The following CEP112 variants were observed in gnomAD, a reference collection of about 807,000 sequenced individuals.
CEP112 encodes centrosomal protein 112, also known as centrosomal protein of 112 kDa.
In CEP112, 127 loss-of-function variants were observed where a neutral mutation model predicts 153.0. The observed-to-expected ratio is 0.83, with a 90% CI of 0.72 to 0.96. The LOEUF (loss-of-function observed/expected upper bound fraction) is 0.96. Among genes scored for constraint, CEP112 ranks in the 40% least tolerant of loss-of-function variants. The pLI, the probability that CEP112 is intolerant of heterozygous loss-of-function variation, is 0.00. For synonymous variants in CEP112, 358 were observed against 374.4 expected, an observed-to-expected ratio of 0.96 and a Z score of 0.51; for missense variants, 1,089 against 1,101.2, an observed-to-expected ratio of 0.99 and a Z score of 0.16.
chr17:65,697,941 C>A (rs1269250013), intron 23 of CEP112, among the ~76,000 whole-genome samples: 1 of 152,168 alleles, frequency 6.6e-6, no homozygotes, highest in African/African-American at 2.4e-5. Flanking sequence ...AATGCATTCA[C>A]AACGCAACTG....
At chr17:65,846,481 G>A (rs1356031260) in intron 21 of CEP112, among the ~76,000 whole-genome samples, 3 of 152,240 alleles carry the variant, frequency 2.0e-5, no homozygotes, top group East Asian at 1.9e-4. Flanking sequence ...GAGATCAAAT[G>A]TGGATAAATC....
intron 20 of CEP112, among the ~76,000 whole-genome samples, chr17:65,874,607 T>C (rs1295793193): frequency 6.6e-6 from 1 of 152,118 alleles, no homozygotes. Flanking sequence ...ATTTTGCTTC[T>C]CTCTTAAAAT....
chr17:65,655,244 A>G, intron 24 of CEP112: 1 of 936,782 alleles, frequency 1.1e-6, no homozygotes, highest in Non-Finnish European at 1.8e-6. Context: ...ATCCCGGAGA[A>G]TACGGTGATC....
intron 18 of CEP112, among the ~76,000 whole-genome samples, chr17:65,944,234 AT>A (rs1034394857): frequency 5.9e-5 from 9 of 152,204 alleles, no homozygotes; most frequent in Admixed American, 5.9e-4. Context: ...ACCTTAAGTG[AT>A]GGGTTGAAAG....
At chr17:65,741,023 A>T (rs1254446122) in intron 23 of CEP112, among the ~76,000 whole-genome samples, 4 of 152,174 alleles carry the variant, frequency 2.6e-5, no homozygotes, top group Non-Finnish European at 4.4e-5. Context: ...TGAGGCTCTC[A>T]AGTAAGACAG....
At chr17:65,749,433 G>C (rs1267093543) in intron 22 of CEP112, among the ~76,000 whole-genome samples, 1 of 152,030 alleles carries the variant, frequency 6.6e-6, no homozygotes, top group Non-Finnish European at 1.5e-5. Context: ...GCGTGAATCA[G>C]GGAGGTGGAG....
intron 23 of CEP112, among the ~76,000 whole-genome samples, chr17:65,741,419 T>C (rs1438985741): frequency 6.6e-6 from 1 of 151,832 alleles, no homozygotes; most frequent in African/African-American, 2.4e-5. Context: ...CTTACCTATA[T>C]TGTAATTTTA....
At chr17:66,052,679 T>C (rs1037296392) in intron 12 of CEP112, among the ~76,000 whole-genome samples, 4 of 152,210 alleles carry the variant, frequency 2.6e-5, no homozygotes, top group Non-Finnish European at 4.4e-5. Context: ...CGAGTTAATA[T>C]GATCTATTAA....
At chr17:66,034,840 C>T (rs2065644883) in intron 12 of CEP112, among the ~76,000 whole-genome samples, 1 of 150,682 alleles carries the variant, frequency 6.6e-6, no homozygotes, top group South Asian at 2.1e-4. Context: ...CAGAGTCTCA[C>T]TCTGTCGCCC....
chr17:66,187,935 A>G (rs2072999091), intron 1 of CEP112, among the ~76,000 whole-genome samples: 1 of 152,118 alleles, frequency 6.6e-6, no homozygotes, highest in Admixed American at 6.5e-5. Flanking sequence ...AGAAGTTTCA[A>G]TGTTCCCATC....
At chr17:66,078,252 CTTTTCT>C (rs377354673) in intron 8 of CEP112, among the ~76,000 whole-genome samples, 41,105 of 137,874 alleles carry the variant, frequency 0.3, 6,228 homozygotes, top group East Asian at 0.7. Flanking sequence ...TTTTTCTTTT[CTTTTCT>C]TTTTCTTTTT....
chr17:65,751,047 C>T, intron 21 of CEP112: 1 of 226,456 alleles, frequency 4.4e-6, no homozygotes, highest in Non-Finnish European at 8.5e-6. Flanking sequence ...AGAGAAGAAA[C>T]AAGAGGGGCA....
At chr17:66,104,579 T>G (rs2068700812) in intron 6 of CEP112, among the ~76,000 whole-genome samples, 1 of 152,070 alleles carries the variant, frequency 6.6e-6, no homozygotes, top group Non-Finnish European at 1.5e-5. Flanking sequence ...AGAAATCCCC[T>G]CAGCTTGAGG....
chr17:65,838,237 T>C (rs1214827695), intron 21 of CEP112, among the ~76,000 whole-genome samples: 1 of 152,160 alleles, frequency 6.6e-6, no homozygotes, highest in East Asian at 1.9e-4. Flanking sequence ...GAGTCTCCAG[T>C]ATAGACTACA....
chr17:65,745,176 T>C (rs2051369621), intron 22 of CEP112, among the ~76,000 whole-genome samples: 1 of 152,210 alleles, frequency 6.6e-6, no homozygotes, highest in Non-Finnish European at 1.5e-5. Context: ...ATACCAAAGT[T>C]TGACACTTGG....
intron 12 of CEP112, among the ~76,000 whole-genome samples, chr17:66,053,383 C>T (rs149442055): frequency 1.1e-4 from 16 of 151,718 alleles, no homozygotes; most frequent in Non-Finnish European, 1.6e-4. Flanking sequence ...ACCTGTAATC[C>T]CAGCTACTCA....
chr17:65,970,024 C>A (rs1471476954), intron 17 of CEP112, among the ~76,000 whole-genome samples: 2 of 152,214 alleles, frequency 1.3e-5, no homozygotes, highest in Admixed American at 6.5e-5. Flanking sequence ...TGCGAACATG[C>A]ACGCCACATG....
chr17:66,129,013 T>C (rs2069997588), intron 6 of CEP112, among the ~76,000 whole-genome samples: 1 of 152,148 alleles, frequency 6.6e-6, no homozygotes, highest in Non-Finnish European at 1.5e-5. Flanking sequence ...TAATAAAACA[T>C]ATTCTAAAAT....
intron 8 of CEP112, among the ~76,000 whole-genome samples, chr17:66,088,300 C>T (rs967714734): frequency 1.3e-5 from 2 of 152,096 alleles, no homozygotes; most frequent in African/African-American, 4.8e-5. Context: ...CAAAGCCAGC[C>T]CAGCAGACTC....
Sources: gnomAD v4.1 joint callset for allele counts (sites outside exome capture counted in the v4.1 genomes callset) on GRCh38, gnomAD v4.1.1 for gene constraint, MANE v1.5 for transcripts, NCBI Gene and HGNC (gene_info 2026-07-23, HGNC 2026-07-21) for gene names.